The following ANKRD26 variants were observed in gnomAD, a reference collection of about 807,000 sequenced individuals.
The protein encoded by ANKRD26 is ankyrin repeat domain-containing protein 26.
A neutral mutation model predicts 208.7 loss-of-function variants in ANKRD26; 141 were observed. The ratio of observed to expected loss-of-function variants is 0.68; its 90% CI spans 0.59 to 0.78. The LOEUF (loss-of-function observed/expected upper bound fraction) is 0.78. Among genes scored for constraint, ANKRD26 ranks in the 30% least tolerant of loss-of-function variants. ANKRD26 has a pLI of 0.00. For missense variants in ANKRD26, 1,889 were observed against 1,938.7 expected, an observed-to-expected ratio of 0.97 and a Z score of 0.48; for synonymous variants, 636 against 660.4, an observed-to-expected ratio of 0.96 and a Z score of 0.57.
At chr10:26,997,685 C>T (rs1432867702) in intron 4 of ANKRD26, among the ~76,000 whole-genome samples, 4 of 152,132 alleles carry the variant, frequency 2.6e-5, no homozygotes, top group Admixed American at 6.6e-5. Flanking sequence ...TAAAATCCCT[C>T]GTGGCCTTTG....
At chr10:27,020,505 G>A (rs1441900610) in intron 29 of ANKRD26, among the ~76,000 whole-genome samples, 1 of 151,882 alleles carries the variant, frequency 6.6e-6, no homozygotes, top group Non-Finnish European at 1.5e-5. Flanking sequence ...ATTCTACTCT[G>A]TACTTCCATG....
chr10:27,033,670 A>G (rs958982921), intron 24 of ANKRD26, among the ~76,000 whole-genome samples: 1 of 152,198 alleles, frequency 6.6e-6, no homozygotes, highest in African/African-American at 2.4e-5. Context: ...AATCTACTGA[A>G]GTCTCGAAAT....
chr10:26,968,981 TG>T (rs2052107150), downstream of ANKRD26, among the ~76,000 whole-genome samples: 2 of 152,186 alleles, frequency 1.3e-5, no homozygotes, highest in African/African-American at 4.8e-5. Flanking sequence ...AAAAGACATC[TG>T]GGAGTAGGAA....
chr10:26,948,715 TGCTGG>T, the ANKRD26 span, among the ~76,000 whole-genome samples: 2 of 150,698 alleles, frequency 1.3e-5, no homozygotes, highest in African/African-American at 4.8e-5. Flanking sequence ...ATCAAAAGTG[TGCTGG>T]CTCACGCCTG....
At chr10:27,021,592 T>C (rs954734922) in intron 29 of ANKRD26, among the ~76,000 whole-genome samples, 3 of 152,252 alleles carry the variant, frequency 2.0e-5, no homozygotes, top group Admixed American at 6.5e-5. Flanking sequence ...TGTCTTCTTA[T>C]GAGAAATGTC....
intron 6 of ANKRD26, chr10:27,080,867 A>G: frequency 1.0e-6 from 1 of 985,478 alleles, no homozygotes; most frequent in Non-Finnish European, 1.2e-6. Flanking sequence ...TCCATGACTG[A>G]CTTGCCAGCT....
chr10:27,038,946 C>T (rs746074011), intron 21 of ANKRD26, among the ~76,000 whole-genome samples: 3 of 152,008 alleles, frequency 2.0e-5, no homozygotes, highest in African/African-American at 4.8e-5. Context: ...GTAACACTTT[C>T]GACATACCTT....
At chr10:27,062,084 T>C (rs1462913348) in intron 12 of ANKRD26, 3 of 985,114 alleles carry the variant, frequency 3.0e-6, no homozygotes, top group Non-Finnish European at 3.6e-6. Context: ...CTTTCTTTCT[T>C]CTCTTTCCCC....
chr10:27,001,190 A>G (rs765827477), downstream of ANKRD26, among the ~76,000 whole-genome samples: 2 of 152,164 alleles, frequency 1.3e-5, no homozygotes, highest in Non-Finnish European at 2.9e-5. Context: ...TTTCGGTTCA[A>G]AAGTATGGGG....
chr10:27,017,156 AAATT>A (rs2053322846), intron 30 of ANKRD26, among the ~76,000 whole-genome samples: 3 of 152,310 alleles, frequency 2.0e-5, no homozygotes, highest in African/African-American at 4.8e-5. Context: ...TTTAAAGATA[AAATT>A]AATTAAAAAT....
At chr10:26,963,491 C>T in the ANKRD26 span, among the ~76,000 whole-genome samples, 1 of 152,154 alleles carries the variant, frequency 6.6e-6, no homozygotes, top group African/African-American at 2.4e-5. Flanking sequence ...CCTAGTGAAG[C>T]TGATGATGCT....
intron 16 of ANKRD26, chr10:27,051,747 G>A: frequency 1.0e-6 from 1 of 985,360 alleles, no homozygotes; most frequent in Non-Finnish European, 1.2e-6. Context: ...AGAGACAGGA[G>A]AATCTTTTTC....
intron 15 of ANKRD26, among the ~76,000 whole-genome samples, chr10:27,058,914 GTTTTTTTGT>G (rs1166330285): frequency 4.8e-5 from 5 of 104,190 alleles, no homozygotes; most frequent in Admixed American, 9.6e-5. Flanking sequence ...TTTGTTTTTT[GTTTTTTTGT>G]TTTTTTTTTC....
At chr10:27,044,255 T>C (rs991186970) in intron 18 of ANKRD26, 65 bp from the exon 19 acceptor site, 24 of 1,303,376 alleles carry the variant, frequency 1.8e-5, no homozygotes, top group Non-Finnish European at 2.2e-5. Context: ...TATCTAAAAC[T>C]ATTGTTTTTT....
At chr10:27,021,476 C>G (rs938303616) in intron 29 of ANKRD26, among the ~76,000 whole-genome samples, 1 of 152,136 alleles carries the variant, frequency 6.6e-6, no homozygotes, top group African/African-American at 2.4e-5. Context: ...TTGATAGTAG[C>G]GATTCTAACT....
chr10:27,016,218 G>C (rs2053285950), intron 30 of ANKRD26, among the ~76,000 whole-genome samples: 1 of 151,978 alleles, frequency 6.6e-6, no homozygotes, highest in South Asian at 2.1e-4. Flanking sequence ...TTGAACTCCT[G>C]GGCTCAAGTG....
intron 29 of ANKRD26, among the ~76,000 whole-genome samples, chr10:27,021,245 A>G (rs1478813600): frequency 6.6e-6 from 1 of 152,224 alleles, no homozygotes; most frequent in Non-Finnish European, 1.5e-5. Context: ...TACTGCAATA[A>G]ACATGGGAAT....
chr10:27,034,694 A>C, intron 24 of ANKRD26, 102 bp downstream of exon 24: 2 of 733,064 alleles, frequency 2.7e-6, no homozygotes, highest in Non-Finnish European at 4.3e-6. Flanking sequence ...GATAGAGTAA[A>C]TAAGCTTATC....
intron 12 of ANKRD26, chr10:27,062,266 G>C (rs1049845930): frequency 6.6e-6 from 6 of 912,980 alleles, no homozygotes; most frequent in Non-Finnish European, 7.9e-6. Context: ...CTTCTCCTCT[G>C]GAAGAAACAT....
Sources: gnomAD v4.1 joint callset for allele counts (sites outside exome capture counted in the v4.1 genomes callset) on GRCh38, gnomAD v4.1.1 for gene constraint, MANE v1.5 for transcripts, NCBI Gene and HGNC (gene_info 2026-07-23, HGNC 2026-07-21) for gene names.